Variants in DLC1 observed in about 807,000 individuals in gnomAD.
DLC1 encodes the protein rho GTPase-activating protein 7.
A neutral mutation model predicts 140.3 loss-of-function variants in DLC1; 54 were observed. The ratio of observed to expected loss-of-function variants is 0.38; its 90% CI spans 0.31 to 0.48. DLC1 has a LOEUF of 0.48. Ranked by LOEUF, DLC1 falls within the 20% of genes least tolerant of loss-of-function variation. The pLI, the probability that DLC1 is intolerant of heterozygous loss-of-function variation, is 0.96. For synonymous variants in DLC1, 986 were observed against 728.1 expected (o/e 1.35, Z -5.70); for missense variants, 2,536 against 1,907.0 (o/e 1.33, Z -6.14).
At chr8:13,506,890 A>G (rs961775265) in intron 1 of DLC1, among the ~76,000 whole-genome samples, 3 of 152,070 alleles carry the variant, frequency 2.0e-5, no homozygotes, top group Non-Finnish European at 4.4e-5. Context: ...AGTAAGATGC[A>G]TATGTTGGAA....
chr8:13,235,200 T>C lies in DLC1; in HGVS notation c.1348+70069A>G, dbSNP rs185941393. 2.2e-3 allele frequency among the ~76,000 whole-genome samples: 332 copies of C among 152,210 alleles called. 2 individuals are homozygous for C. Among genetic ancestry groups the C allele is most frequent in the Non-Finnish European group, 2.1e-4 (14 of 67,920 alleles). On this transcript the variant is annotated intron_variant, in intron 5 of 17. Coordinates refer to ENST00000276297, the MANE Select transcript of DLC1 (RefSeq NM_182643.3). ...GCAATTGAAAGAACAGGTATGATTA[T>C]CTTTTACTTCTATTTGGCAGGTGAA... is the stretch of plus-strand genomic sequence containing the variant.
intron 5 of DLC1, among the ~76,000 whole-genome samples, chr8:13,213,319 C>G (rs1344501168): frequency 1.3e-5 from 2 of 152,172 alleles, no homozygotes; most frequent in Non-Finnish European, 2.9e-5. Flanking sequence ...GCACTATTGT[C>G]ACCTATAATA....
rs993543931 is a variant in DLC1, at chr8:13,401,640, T to A, written c.1024-21A>T. 10 of 1,599,260 alleles carry A rather than the reference T, an allele frequency of 6.3e-6. No individual in the cohort carries two copies. The African/African-American group carries it at 1.2e-4, about 19-fold the overall frequency. ...ATTTCCTGAGGAACAGAACATTTTG[T>A]TACTGAATCTGAAAGGCCATTTCTT... On this transcript the variant is annotated intron_variant, in intron 2 of 17. Transcript: ENST00000276297.
intron 2 of DLC1, among the ~76,000 whole-genome samples, chr8:13,412,432 A>G (rs1249368824): frequency 6.6e-6 from 1 of 152,156 alleles, no homozygotes; most frequent in East Asian, 1.9e-4. Context: ...CACGCATGCA[A>G]AGACAGTATA....
At chr8:13,415,535 G>C (rs1234116799) in intron 2 of DLC1, among the ~76,000 whole-genome samples, 1 of 151,878 alleles carries the variant, frequency 6.6e-6, no homozygotes, top group East Asian at 2.0e-4. Context: ...TAGTAGCAGG[G>C]AGTACAGGCT....
upstream of DLC1, among the ~76,000 whole-genome samples, chr8:13,516,780 G>T (rs1427226578): frequency 6.6e-6 from 1 of 152,120 alleles, no homozygotes; most frequent in African/African-American, 2.4e-5. Flanking sequence ...TCTACTGACA[G>T]TATGCCTATT....
intron 2 of DLC1, among the ~76,000 whole-genome samples, chr8:13,465,517 T>C (rs1190931086): frequency 2.6e-5 from 4 of 152,166 alleles, no homozygotes; most frequent in Non-Finnish European, 4.4e-5. Context: ...TTTTATTTAT[T>C]TATTGTCAAT....
At chr8:13,331,243 T>G (rs955920598) in intron 4 of DLC1, among the ~76,000 whole-genome samples, 4 of 152,236 alleles carry the variant, frequency 2.6e-5, no homozygotes, top group African/African-American at 9.6e-5. Context: ...AAGCACCACA[T>G]TGGCTACTCT....
chr8:13,115,717 C>G, intron 5 of DLC1, 60 bp from the exon 6 acceptor site: 2 of 1,518,978 alleles, frequency 1.3e-6, no homozygotes, highest in South Asian at 2.3e-5. Flanking sequence ...GCTTATTTTT[C>G]CTGAATAAGC....
At chr8:13,444,883 AG>A (rs1798705562) in intron 2 of DLC1, among the ~76,000 whole-genome samples, 1 of 152,242 alleles carries the variant, frequency 6.6e-6, no homozygotes, top group Non-Finnish European at 1.5e-5. Context: ...AAAAAGTGTA[AG>A]TGTTAAAACG....
intron 1 of DLC1, among the ~76,000 whole-genome samples, chr8:13,528,158 A>G (rs939595470): frequency 3.3e-5 from 5 of 152,124 alleles, no homozygotes; most frequent in Non-Finnish European, 7.4e-5. Flanking sequence ...AGCATAAACA[A>G]TGCTTTATCA....
At chr8:13,336,741 A>G (rs1833824795) in intron 4 of DLC1, among the ~76,000 whole-genome samples, 1 of 152,228 alleles carries the variant, frequency 6.6e-6, no homozygotes, top group Admixed American at 6.5e-5. Flanking sequence ...GTAATGATTA[A>G]TACAAAATAG....
At chr8:13,437,435 A>C (rs893898976) in intron 2 of DLC1, among the ~76,000 whole-genome samples, 2 of 152,238 alleles carry the variant, frequency 1.3e-5, no homozygotes, top group Non-Finnish European at 2.9e-5. Flanking sequence ...ATTTTCCTAC[A>C]GTCAAAACAT....
chr8:13,536,989 A>T (rs184523707), intron 1 of DLC1, among the ~76,000 whole-genome samples: 1 of 152,306 alleles, frequency 6.6e-6, no homozygotes, highest in East Asian at 1.9e-4. Context: ...AATCATTAAC[A>T]TATTTCTTGT....
chr8:13,444,414 A>G (rs900154836), intron 2 of DLC1, among the ~76,000 whole-genome samples: 4 of 152,176 alleles, frequency 2.6e-5, no homozygotes, highest in African/African-American at 7.2e-5. Flanking sequence ...AAACCTGCAC[A>G]TTATGCACAT....
intron 4 of DLC1, among the ~76,000 whole-genome samples, chr8:13,308,123 T>C (rs1174944291): frequency 1.3e-5 from 2 of 152,210 alleles, no homozygotes; most frequent in African/African-American, 4.8e-5. Context: ...TTCAAAAGTA[T>C]ATAACCATGC....
At chr8:13,337,452 C>A (rs1250161611) in intron 4 of DLC1, among the ~76,000 whole-genome samples, 4 of 152,030 alleles carry the variant, frequency 2.6e-5, no homozygotes, top group Admixed American at 2.6e-4. Flanking sequence ...ACAACATATT[C>A]TAGGAAATTT....
intron 2 of DLC1, among the ~76,000 whole-genome samples, chr8:13,439,122 C>T (rs1052645141): frequency 2.6e-5 from 4 of 152,012 alleles, no homozygotes; most frequent in African/African-American, 4.8e-5. Flanking sequence ...GTCAAGAGTT[C>T]GAGACCATCC....
chr8:13,149,344 G>T (rs1422470193), intron 5 of DLC1, among the ~76,000 whole-genome samples: 3 of 152,004 alleles, frequency 2.0e-5, no homozygotes, highest in Non-Finnish European at 2.9e-5. Context: ...GTGCCTCATT[G>T]TATTCTGGGC....
Sources: allele counts gnomAD v4.1 joint callset (sites outside exome capture counted in the v4.1 genomes callset), GRCh38; gene constraint gnomAD v4.1.1; transcripts MANE v1.5; gene names NCBI Gene and HGNC (gene_info 2026-07-23, HGNC 2026-07-21).